Variants in TRIM5 observed in about 807,000 individuals in gnomAD.
TRIM5 encodes the protein tripartite motif-containing protein 5.
TRIM5 carries 31 observed loss-of-function variants against 35.6 expected under a neutral mutation model. The observed-to-expected ratio is 0.87, with a 90% CI of 0.65 to 1.18. TRIM5 has a LOEUF of 1.18. Among genes scored for constraint, TRIM5 ranks in the 50% most tolerant of loss-of-function variants. TRIM5 has a pLI of 0.00. For missense variants in TRIM5, 609 were observed against 591.6 expected (o/e 1.03, Z -0.31); for synonymous variants, 243 against 215.6 (o/e 1.13, Z -1.11).
chr11:5,620,906 AT>A, the TRIM5 span, among the ~76,000 whole-genome samples: 3 of 152,164 alleles, frequency 2.0e-5, no homozygotes, highest in Non-Finnish European at 4.4e-5. Context: ...GTCTTTTGGC[AT>A]TTTTGTTGCC....
At chr11:5,618,875 A>T in the TRIM5 span, among the ~76,000 whole-genome samples, 1 of 152,216 alleles carries the variant, frequency 6.6e-6, no homozygotes, top group African/African-American at 2.4e-5. Flanking sequence ...TGGGAGAGAA[A>T]CAGTGACAAA....
chr11:5,629,995 C>T, the TRIM5 span, among the ~76,000 whole-genome samples: 284 of 152,196 alleles, frequency 1.9e-3, no homozygotes, highest in Non-Finnish European at 3.3e-3. Context: ...GGTGAGCCAC[C>T]GCGCCCGGCC....
chr11:5,634,040 T>TG, the TRIM5 span: 11 of 882,324 alleles, frequency 1.2e-5, no homozygotes, highest in East Asian at 3.0e-4. Flanking sequence ...CTGTCCCTGT[T>TG]GGGGGTGGAG....
chr11:5,677,013 T>C lies in TRIM5; in HGVS notation c.744+1191A>G, dbSNP rs1408498179. Among the ~76,000 whole-genome samples, 11 of 152,240 alleles carry C rather than the reference T, an allele frequency of 7.2e-5. 1 individual carries two copies. The highest frequency in any genetic ancestry group is 6.2e-4 in the South Asian group (3 of 4,820). On this transcript the variant is annotated intron_variant, in intron 4 of 7. Coordinates refer to ENST00000380034, the MANE Select transcript of TRIM5 (RefSeq NM_033034.3). Reference sequence around the variant, plus strand: ...ACCACAAAAACCCTAGAAGAAAACCTAGGCAGTACCATTCAGGACATAGGC... The same window carrying C: ...ACCACAAAAACCCTAGAAGAAAACCCAGGCAGTACCATTCAGGACATAGGC...
the TRIM5 span, among the ~76,000 whole-genome samples, chr11:5,653,149 G>T: frequency 3.3e-5 from 5 of 152,158 alleles, no homozygotes; most frequent in African/African-American, 1.2e-4. Context: ...ACTGTACCCG[G>T]CCATCTCTGA....
At chr11:5,636,030 C>T in the TRIM5 span, among the ~76,000 whole-genome samples, 1 of 152,178 alleles carries the variant, frequency 6.6e-6, no homozygotes, top group Non-Finnish European at 1.5e-5. Flanking sequence ...CATTCCATTC[C>T]TACCTATATA....
the TRIM5 span, among the ~76,000 whole-genome samples, chr11:5,609,009 C>G: frequency 6.6e-6 from 1 of 152,016 alleles, no homozygotes; most frequent in African/African-American, 2.4e-5. Flanking sequence ...GGTCTTGGCA[C>G]ATCTGCCTTA....
chr11:5,639,871 T>C, the TRIM5 span, among the ~76,000 whole-genome samples: 2 of 152,080 alleles, frequency 1.3e-5, no homozygotes, highest in Non-Finnish European at 1.5e-5. Flanking sequence ...TACATATTTA[T>C]AGGGTACATA....
rs1466630236 is a variant in TRIM5, at chr11:5,663,774, A to G, written c.*1035T>C. 5.4e-6 allele frequency: 1 copy of G among 183,784 alleles called. No homozygotes were observed. The highest frequency in any genetic ancestry group is 1.9e-4 in the East Asian group (1 of 5,332). 11.4% of individuals were successfully genotyped at this position (183,784 alleles called of 1,614,324 possible). ...ATATGTGTCATTTCTTTGTGTTGAG[A>G]ACTTTCAAAATCCTCTCTTCTAGCT... On this transcript the variant is annotated 3_prime_UTR_variant, in exon 8 of 8. Transcript: ENST00000380034.
chr11:5,645,743 A>C, the TRIM5 span: 2 of 208,770 alleles, frequency 9.6e-6, no homozygotes, highest in African/African-American at 4.7e-5. Flanking sequence ...CAAGTCTAGG[A>C]AAAGCTTCAC....
chr11:5,605,053 C>T, the TRIM5 span: 1 of 492,266 alleles, frequency 2.0e-6, no homozygotes, highest in Admixed American at 3.3e-5. Context: ...GAGGCTGATG[C>T]AGAGGTGAGG....
At position 5,664,545 on chromosome 11, in the gene TRIM5, C is replaced by T. The variant is rs548743676; in HGVS notation, c.*264G>A. The T allele has an allele frequency of 3.4e-6, 4 of 1,161,530 alleles. No homozygotes were observed. The highest frequency in any genetic ancestry group is 1.6e-5 in the African/African-American group (1 of 62,704). The allele number at this position is 1,161,530 out of a possible 1,614,324, so 72.0% of individuals were successfully genotyped here. A position where few individuals can be genotyped will look rare whatever the true frequency, so the allele number is the denominator to read the frequency against. On this transcript the variant is annotated 3_prime_UTR_variant, in exon 8 of 8. Transcript: ENST00000380034. ...TCTGGCAGAAGTAATACCTAAATAGCGGTCTCATTTTATGAGGTATAGGTC... is the reference window on the plus strand; with the variant it reads ...TCTGGCAGAAGTAATACCTAAATAGTGGTCTCATTTTATGAGGTATAGGTC...
chr11:5,672,486 C>T (rs1851652772), intron 4 of TRIM5, among the ~76,000 whole-genome samples: 1 of 152,172 alleles, frequency 6.6e-6, no homozygotes, highest in East Asian at 1.9e-4. Context: ...GCTGAGATTA[C>T]AGGTGTGAGC....
the TRIM5 span, among the ~76,000 whole-genome samples, chr11:5,651,071 A>T: frequency 6.6e-6 from 1 of 152,150 alleles, no homozygotes; most frequent in African/African-American, 2.4e-5. Context: ...CTGGAGTGAC[A>T]CCTCAAAATG....
At chr11:5,647,356 G>GA in the TRIM5 span, among the ~76,000 whole-genome samples, 295 of 152,034 alleles carry the variant, frequency 1.9e-3, no homozygotes, top group African/African-American at 6.6e-3. Flanking sequence ...TTACACCAAG[G>GA]AAAAAAACTA....
At chr11:5,644,814 G>C in the TRIM5 span, among the ~76,000 whole-genome samples, 1 of 152,142 alleles carries the variant, frequency 6.6e-6, no homozygotes, top group Non-Finnish European at 1.5e-5. Context: ...ATGTTGAAAT[G>C]TAATCCCCAG....
At chr11:5,619,743 T>TG in the TRIM5 span, 1 of 124,868 alleles carries the variant, frequency 8.0e-6, no homozygotes, top group African/African-American at 3.0e-5. Context: ...CTCACTCTGT[T>TG]GCCCAGGCTA....
At chr11:5,683,878 C>G (rs1436963730) in intron 1 of TRIM5, 2 of 152,332 alleles carry the variant, frequency 1.3e-5, no homozygotes, top group Non-Finnish European at 2.9e-5. Context: ...GCAACCTGCG[C>G]TGGTCCCCTT....
At chr11:5,599,169 C>A in the TRIM5 span, among the ~76,000 whole-genome samples, 1 of 152,118 alleles carries the variant, frequency 6.6e-6, no homozygotes, top group Non-Finnish European at 1.5e-5. Flanking sequence ...TGTATGGATA[C>A]ACCACAGTTT....
Sources: allele counts gnomAD v4.1 joint callset (sites outside exome capture counted in the v4.1 genomes callset), GRCh38; gene constraint gnomAD v4.1.1; transcripts MANE v1.5; gene names NCBI Gene and HGNC (gene_info 2026-07-23, HGNC 2026-07-21).